The following RASSF4 variants were observed in gnomAD, a reference collection of about 807,000 sequenced individuals.
RASSF4 encodes Ras association domain family member 4.
In RASSF4, 38 loss-of-function variants were observed where a neutral mutation model predicts 41.1. The ratio of observed to expected loss-of-function variants is 0.92; its 90% CI spans 0.71 to 1.21. The LOEUF (loss-of-function observed/expected upper bound fraction) is 1.21, where lower values mean the gene tolerates loss of function less well. Among genes scored for constraint, RASSF4 ranks in the 50% most tolerant of loss-of-function variants. RASSF4 has a pLI of 0.00. For synonymous variants in RASSF4, 179 were observed against 163.4 expected (o/e 1.10, Z -0.73); for missense variants, 414 against 419.4 (o/e 0.99, Z 0.11).
chr10:44,984,529 A>G (rs1226970399), intron 5 of RASSF4: 2 of 522,650 alleles, frequency 3.8e-6, no homozygotes, highest in Non-Finnish European at 3.4e-6. Context: ...GCAGGGGCTC[A>G]GAAGACAGGG....
At chr10:44,969,969 T>G (rs1021411793) in intron 1 of RASSF4, among the ~76,000 whole-genome samples, 196 bp from the exon 2 acceptor site, 13 of 152,226 alleles carry the variant, frequency 8.5e-5, no homozygotes, top group Non-Finnish European at 1.5e-4. Context: ...CAGCATGACC[T>G]TGCCCAACCA....
intron 6 of RASSF4, among the ~76,000 whole-genome samples, chr10:44,986,185 A>G (rs76764010): frequency 6.6e-6 from 1 of 152,180 alleles, no homozygotes; most frequent in African/African-American, 2.4e-5. Flanking sequence ...TACCAAAAAA[A>G]GGGTGGGGGC....
At chr10:44,982,699 C>A (rs756763731) in intron 4 of RASSF4, 36 bp downstream of exon 4, 13 of 1,601,074 alleles carry the variant, frequency 8.1e-6, no homozygotes, top group Non-Finnish European at 1.0e-5. Context: ...ACCTGCTCAG[C>A]CTGAGCTCCC....
intron 1 of RASSF4, among the ~76,000 whole-genome samples, chr10:44,962,782 G>A (rs1840754862): frequency 6.6e-6 from 1 of 152,244 alleles, no homozygotes; most frequent in Admixed American, 6.5e-5. Context: ...GAGTGGTTCA[G>A]GGGGTTCCAG....
chr10:44,992,103 C>T, intron 10 of RASSF4, 101 bp downstream of exon 10: 2 of 715,082 alleles, frequency 2.8e-6, no homozygotes, highest in East Asian at 2.6e-5. Context: ...CCTCCATGGG[C>T]ACCAGTACCC....
At chr10:44,967,573 G>GGA (rs1238621260) in intron 1 of RASSF4, among the ~76,000 whole-genome samples, 6 of 152,236 alleles carry the variant, frequency 3.9e-5, no homozygotes, top group Admixed American at 6.5e-5. Flanking sequence ...GTCCCTCAGC[G>GGA]GAGTCACCTC....
rs996796838 is a variant in RASSF4 at position 44,969,467 on chromosome 10, A to G, written c.-38-698A>G. Among the ~76,000 whole-genome samples the G allele has an allele frequency of 3.3e-5, 5 of 152,146 alleles. No homozygotes were observed. The East Asian group carries it at 9.6e-4, about 29-fold the overall frequency. On this transcript the variant is annotated intron_variant, in intron 1 of 10. Transcript: ENST00000340258. ...AAAGGAAGGTTTGGGAGTTTAAGTC[A>G]CTGCCCGTGATCAATATAGAGAAGG...
At chr10:44,971,479 T>C (rs1564454064) in intron 2 of RASSF4, 6 of 594,042 alleles carry the variant, frequency 1.0e-5, no homozygotes, top group Non-Finnish European at 1.6e-5. Context: ...GCCAGGGCCT[T>C]ACCTGTGATA....
At chr10:44,992,066 C>T in intron 10 of RASSF4, 64 bp downstream of exon 10, 2 of 1,080,194 alleles carry the variant, frequency 1.9e-6, no homozygotes, top group Non-Finnish European at 2.8e-6. Context: ...CAAAGCACAG[C>T]ACCAGTGCCG....
intron 1 of RASSF4, among the ~76,000 whole-genome samples, chr10:44,969,089 AT>A (rs1360258064): frequency 7.8e-5 from 11 of 140,754 alleles, no homozygotes; most frequent in Admixed American, 2.2e-4. Context: ...TGTGCATGTG[AT>A]TGTGTATGCG....
intron 2 of RASSF4, chr10:44,970,908 G>A (rs1028022983): frequency 5.8e-5 from 9 of 156,056 alleles, no homozygotes; most frequent in African/African-American, 2.2e-4. Flanking sequence ...TGTGAACTCA[G>A]AGCAAAAGCT....
intron 9 of RASSF4, 70 bp downstream of exon 9, chr10:44,991,139 GGACTCCTGGCCA>G (rs749188290): frequency 5.4e-6 from 8 of 1,469,368 alleles, no homozygotes; most frequent in Non-Finnish European, 7.4e-6. Context: ...GGCCTCCCAA[GGACTCCTGGCCA>G]GAGCCCTGTC....
chr10:44,968,752 G>A (rs182622368), intron 1 of RASSF4, among the ~76,000 whole-genome samples: 66 of 152,284 alleles, frequency 4.3e-4, no homozygotes, highest in African/African-American at 1.5e-3. Flanking sequence ...CCCGCCCCCC[G>A]TGGCATTTGC....
chr10:44,989,508 A>G lies in RASSF4; in HGVS notation c.633+133A>G, dbSNP rs1842034211. On this transcript the variant is annotated intron_variant, in intron 7 of 10. Transcript: ENST00000340258. ...AGGTCTAGCAAGGGTCCCTCTGCTG[A>G]GCTTTGGTTTCTCGGATTTCAAGCA... The G allele has an allele frequency of 5.3e-6, 5 of 948,990 alleles. No homozygotes were observed. The East Asian group carries it at 1.3e-4, about 24-fold the overall frequency. 58.8% of individuals were successfully genotyped at this position (948,990 alleles called of 1,614,324 possible).
intron 2 of RASSF4, chr10:44,970,736 A>C (rs1185281024): frequency 6.5e-6 from 1 of 154,500 alleles, no homozygotes; most frequent in Admixed American, 6.4e-5. Flanking sequence ...AGGCTTTACA[A>C]GAAGTGTGGT....
chr10:44,992,940 G>A (rs889850767), intron 10 of RASSF4, among the ~76,000 whole-genome samples: 13 of 152,326 alleles, frequency 8.5e-5, no homozygotes, highest in South Asian at 8.3e-4. Flanking sequence ...CACAAGGAAG[G>A]TTGCCGCATA....
chr10:44,966,130 A>T (rs1262621957), intron 1 of RASSF4, among the ~76,000 whole-genome samples: 2 of 152,158 alleles, frequency 1.3e-5, no homozygotes, highest in Admixed American at 1.3e-4. Context: ...TTTCAAACCC[A>T]TTGGAGGTCA....
At chr10:44,989,124 G>T in intron 6 of RASSF4, 150 bp from the exon 7 acceptor site, 1 of 580,940 alleles carries the variant, frequency 1.7e-6, no homozygotes, top group African/African-American at 1.9e-5. Context: ...CCAGGTCTGG[G>T]AACAGCTTAT....
chr10:44,973,081 C>A (rs1025442346), intron 3 of RASSF4, among the ~76,000 whole-genome samples: 1 of 152,184 alleles, frequency 6.6e-6, no homozygotes, highest in Non-Finnish European at 1.5e-5. Flanking sequence ...CTGTGACCAC[C>A]AGGCATGGTA....
Sources: allele counts gnomAD v4.1 joint callset (sites outside exome capture counted in the v4.1 genomes callset), GRCh38; gene constraint gnomAD v4.1.1; transcripts MANE v1.5; gene names NCBI Gene and HGNC (gene_info 2026-07-23, HGNC 2026-07-21).